OPCML: variants seen among roughly 807,000 people sequenced by gnomAD.
OPCML encodes opioid binding protein/cell adhesion molecule like.
A neutral mutation model predicts 37.8 loss-of-function variants in OPCML; 13 were observed. That is an observed-to-expected ratio of 0.34 (90% confidence interval 0.22 to 0.55). The LOEUF (loss-of-function observed/expected upper bound fraction) is 0.55. Among genes scored for constraint, OPCML ranks in the 20% least tolerant of loss-of-function variants. The probability of loss-of-function intolerance (pLI) is 0.91; values close to 1 mark genes in which losing one functional copy is unlikely to be tolerated. For missense variants in OPCML, 341 were observed against 435.6 expected (o/e 0.78, Z 1.93); for synonymous variants, 176 against 168.8 (o/e 1.04, Z -0.33).
intron 2 of OPCML, among the ~76,000 whole-genome samples, chr11:132,841,238 C>A (rs1941272916): frequency 6.6e-6 from 1 of 152,206 alleles, no homozygotes; most frequent in South Asian, 2.1e-4. Flanking sequence ...CACTCTTGTC[C>A]TTTTTGAAAA....
intron 1 of OPCML, among the ~76,000 whole-genome samples, chr11:132,998,796 A>G (rs1946936727): frequency 6.6e-6 from 1 of 152,198 alleles, no homozygotes; most frequent in South Asian, 2.1e-4. Context: ...GAATAGTGAC[A>G]AAATGCCATC....
chr11:132,744,844 G>A (rs945458600), intron 2 of OPCML, among the ~76,000 whole-genome samples: 23 of 152,226 alleles, frequency 1.5e-4, no homozygotes, highest in African/African-American at 5.3e-4. Context: ...ACTCTCTAGA[G>A]GCCACAGTGG....
At chr11:132,444,103 G>A (rs143237354) in intron 4 of OPCML, among the ~76,000 whole-genome samples, 1,793 of 152,278 alleles carry the variant, frequency 0.012, 40 homozygotes, top group African/African-American at 0.041. Context: ...TAAGGAGGAC[G>A]CCAGACCCAG....
At chr11:132,627,564 A>T (rs556749021) in intron 3 of OPCML, among the ~76,000 whole-genome samples, 1 of 116,448 alleles carries the variant, frequency 8.6e-6, no homozygotes, top group East Asian at 2.5e-4. Context: ...CTAACAAAAC[A>T]TCATGAATTT....
At chr11:132,964,525 T>C (rs1024956819) in intron 1 of OPCML, among the ~76,000 whole-genome samples, 1 of 152,186 alleles carries the variant, frequency 6.6e-6, no homozygotes, top group South Asian at 2.1e-4. Flanking sequence ...GGCTAGGAAG[T>C]GATTGCATGA....
At chr11:133,229,521 A>G (rs1434498383) in intron 1 of OPCML, among the ~76,000 whole-genome samples, 1 of 152,204 alleles carries the variant, frequency 6.6e-6, no homozygotes, top group Admixed American at 6.5e-5. Context: ...AACAATTTAA[A>G]GGATTAAAAA....
intron 3 of OPCML, among the ~76,000 whole-genome samples, chr11:132,542,516 G>A (rs189474957): frequency 1.3e-5 from 2 of 152,192 alleles, no homozygotes; most frequent in Admixed American, 1.3e-4. Flanking sequence ...ACATCAGCAG[G>A]ACAGATTCAC....
At chr11:133,130,220 C>G (rs1949581890) in intron 1 of OPCML, among the ~76,000 whole-genome samples, 1 of 150,194 alleles carries the variant, frequency 6.7e-6, no homozygotes, top group Non-Finnish European at 1.5e-5. Context: ...ATACTGAACT[C>G]AAATACACAA....
At chr11:132,766,951 G>A (rs188590290) in intron 2 of OPCML, among the ~76,000 whole-genome samples, 1,614 of 152,256 alleles carry the variant, frequency 0.011, 13 homozygotes, top group Middle Eastern at 0.031. Context: ...TTGGAGAAAA[G>A]GGTTATGATG....
chr11:132,723,659 C>G (rs1422161391), intron 2 of OPCML, among the ~76,000 whole-genome samples: 1 of 152,216 alleles, frequency 6.6e-6, no homozygotes, highest in Non-Finnish European at 1.5e-5. Context: ...TCTCTCCTTT[C>G]TCTTTCTCAT....
At chr11:133,268,060 T>G (rs1941713926) in intron 1 of OPCML, among the ~76,000 whole-genome samples, 1 of 152,240 alleles carries the variant, frequency 6.6e-6, no homozygotes, top group South Asian at 2.1e-4. Flanking sequence ...CCCCATCCAC[T>G]GATGTAACAA....
chr11:132,946,379 CAT>C (rs1401362370), intron 1 of OPCML, among the ~76,000 whole-genome samples: 13 of 152,116 alleles, frequency 8.5e-5, no homozygotes, highest in African/African-American at 3.1e-4. Flanking sequence ...AAACTAGTAA[CAT>C]AGTCGTTTAT....
At chr11:133,178,877 T>G (rs180796032) in intron 1 of OPCML, among the ~76,000 whole-genome samples, 1 of 152,312 alleles carries the variant, frequency 6.6e-6, no homozygotes, top group Admixed American at 6.5e-5. Flanking sequence ...ACACATACAG[T>G]ATGCAGATGT....
At position 132,647,857 on chromosome 11, in the gene OPCML, C is replaced by G. The variant is rs370544904; in HGVS notation, c.379+9230G>C. On this transcript the variant is annotated intron_variant, in intron 3 of 7. Transcript: ENST00000524381. ...CTGAAAAAGATTATTGACTGTTTTC[C>G]TGGTGATTATTTTGCTTCACTTCTA... is the stretch of plus-strand genomic sequence containing the variant. Among the ~76,000 whole-genome samples, 102 of 152,250 alleles carry G rather than the reference C, an allele frequency of 6.7e-4. 1 individual carries two copies. Among genetic ancestry groups the G allele is most frequent in the African/African-American group, 2.4e-3 (98 of 41,554 alleles).
At chr11:132,699,795 G>A (rs1414382396) in intron 2 of OPCML, among the ~76,000 whole-genome samples, 1 of 151,992 alleles carries the variant, frequency 6.6e-6, no homozygotes, top group African/African-American at 2.4e-5. Context: ...AGGAATATTG[G>A]CCTATCTTTT....
chr11:133,326,451 ATG>A (rs1943458198), intron 1 of OPCML, among the ~76,000 whole-genome samples: 1 of 83,316 alleles, frequency 1.2e-5, no homozygotes. Flanking sequence ...ATGTGTGTGT[ATG>A]TGTGTGTGGG....
chr11:132,648,518 T>C (rs1259754863), intron 3 of OPCML, among the ~76,000 whole-genome samples: 1 of 150,298 alleles, frequency 6.7e-6, no homozygotes, highest in Non-Finnish European at 1.5e-5. Context: ...CACTTCTCTC[T>C]GTCTTTTTTT....
chr11:133,197,334 A>G lies in OPCML; in HGVS notation c.62-254324T>C, dbSNP rs138272649. Among the ~76,000 whole-genome samples the G allele has an allele frequency of 1.2e-3, 190 of 152,344 alleles. 6 individuals carry two copies. The East Asian group carries it at 0.034, about 27-fold the overall frequency. ...TGATACATTGTCCTTTATCTAAGAA[A>G]GGATCAATTCTTTGGTAAGAGATCA... is the stretch of plus-strand genomic sequence containing the variant. On this transcript the variant is annotated intron_variant, in intron 1 of 7. Coordinates refer to ENST00000524381, the MANE Select transcript of OPCML (RefSeq NM_001012393.5).
intron 3 of OPCML, among the ~76,000 whole-genome samples, chr11:132,632,190 C>T (rs1410904707): frequency 6.9e-6 from 1 of 145,514 alleles, no homozygotes; most frequent in Non-Finnish European, 1.5e-5. Context: ...GAGATTTGGG[C>T]AGGATCTTGT....
Sources: gnomAD v4.1 joint callset for allele counts (sites outside exome capture counted in the v4.1 genomes callset) on GRCh38, gnomAD v4.1.1 for gene constraint, MANE v1.5 for transcripts, NCBI Gene and HGNC (gene_info 2026-07-23, HGNC 2026-07-21) for gene names.